The following MAPT variants were observed in gnomAD, a reference collection of about 807,000 sequenced individuals.
MAPT encodes microtubule associated protein tau.
Under a neutral mutation model 67.9 loss-of-function variants are expected in MAPT, and 34 were observed. That is an observed-to-expected ratio of 0.50 (90% CI 0.38 to 0.67). The LOEUF is 0.67. Ranked by LOEUF, MAPT falls within the 30% of genes least tolerant of loss-of-function variation. MAPT has a pLI of 0.00. For synonymous variants in MAPT, 456 were observed against 464.5 expected (o/e 0.98, Z 0.23); for missense variants, 881 against 1,115.2 (o/e 0.79, Z 2.99).
At chr17:46,012,440 C>T (rs117196968) in intron 10 of MAPT, among the ~76,000 whole-genome samples, 259 of 152,246 alleles carry the variant, frequency 1.7e-3, no homozygotes, top group Non-Finnish European at 2.7e-3. Context: ...CCAGATGTCC[C>T]GGGCTGAGCA....
intron 9 of MAPT, among the ~76,000 whole-genome samples, chr17:46,009,729 G>T (rs1015001838): frequency 5.9e-5 from 9 of 152,180 alleles, no homozygotes; most frequent in Admixed American, 1.3e-4. Flanking sequence ...GAATCACCAG[G>T]GGAACTTTTC....
chr17:45,917,557 A>G (rs1305467748), intron 1 of MAPT, among the ~76,000 whole-genome samples: 1 of 152,214 alleles, frequency 6.6e-6, no homozygotes, highest in African/African-American at 2.4e-5. Context: ...CCTGATGCCC[A>G]TGAGAGGACC....
chr17:46,019,869 G>C (rs62062289), intron 12 of MAPT, among the ~76,000 whole-genome samples: 21,713 of 151,768 alleles, frequency 0.14, 2,116 homozygotes, highest in Non-Finnish European at 0.22. Context: ...AAAGTTAGCT[G>C]GGTGTGGTGG....
rs768043413 is a variant in MAPT at position 45,906,487 on chromosome 17, G to A, written c.-18+11801G>A. 5.3e-5 allele frequency among the ~76,000 whole-genome samples: 8 copies of A among 152,118 alleles called. No individual in the cohort carries two copies. The highest frequency in any genetic ancestry group is 1.0e-4 in the Non-Finnish European group (7 of 68,022). ...CATCTGTTTGGTGTCAAAGGCACGGGGCAGGCGCGTTAATTGAACTGCTTG... is the reference window on the plus strand; with the variant it reads ...CATCTGTTTGGTGTCAAAGGCACGGAGCAGGCGCGTTAATTGAACTGCTTG... On this transcript the variant is annotated intron_variant, in intron 1 of 12. Coordinates refer to ENST00000262410, the MANE Select transcript of MAPT (RefSeq NM_001377265.1). This position sits in a 1 kb window ranked among gnomAD's most constrained non-coding sequence, Gnocchi z 4.3.
chr17:46,007,248 GC>G (rs1203198455), intron 9 of MAPT, among the ~76,000 whole-genome samples: 1 of 152,180 alleles, frequency 6.6e-6, no homozygotes, highest in Non-Finnish European at 1.5e-5. Flanking sequence ...GCTTTGTGAG[GC>G]TGAGGTGAGA....
At chr17:46,008,353 G>C (rs1001467743) in intron 9 of MAPT, among the ~76,000 whole-genome samples, 1 of 152,090 alleles carries the variant, frequency 6.6e-6, no homozygotes, top group African/African-American at 2.4e-5. Context: ...ACCTCCCAAA[G>C]TGCTAGGATT....
chr17:45,986,389 G>A (rs1230344639), intron 5 of MAPT, among the ~76,000 whole-genome samples: 1 of 152,180 alleles, frequency 6.6e-6, no homozygotes. Context: ...AATGGAGATG[G>A]GTTGGTCAGC....
chr17:46,021,496 A>G (rs78590209), intron 12 of MAPT, among the ~76,000 whole-genome samples: 21,734 of 152,054 alleles, frequency 0.14, 2,100 homozygotes, highest in Non-Finnish European at 0.22. Context: ...ATAGGGCCTG[A>G]GCATTGGTGA....
rs1298004732 is a variant in MAPT, at chr17:45,991,603, C to T, written c.1732+17C>T. On this transcript the variant is annotated intron_variant, in intron 8 of 12. Coordinates refer to ENST00000262410, the MANE Select transcript of MAPT (RefSeq NM_001377265.1). ...CCAGCTCTGGTAAGAAGAACGTTCT[C>T]TTGAATCTTAGAGGAAGCTGAAGCT... is the stretch of plus-strand genomic sequence containing the variant. The T allele has an allele frequency of 1.9e-6, 3 of 1,613,906 alleles. No homozygotes were observed. In the Admixed American group the frequency reaches 5.0e-5, roughly 27 times the overall value.
At chr17:46,002,729 C>T (rs932984443) in intron 9 of MAPT, among the ~76,000 whole-genome samples, 4 of 152,184 alleles carry the variant, frequency 2.6e-5, no homozygotes, top group Non-Finnish European at 5.9e-5. Context: ...AATGCTGTAA[C>T]TTTCTTGGTT....
At chr17:46,007,387 C>T (rs968603866) in intron 9 of MAPT, among the ~76,000 whole-genome samples, 5 of 151,384 alleles carry the variant, frequency 3.3e-5, no homozygotes, top group African/African-American at 4.9e-5. Flanking sequence ...CTTGGGAGAC[C>T]GAGGCAGGAG....
intron 1 of MAPT, among the ~76,000 whole-genome samples, chr17:45,927,607 T>C (rs896439273): frequency 1.3e-5 from 2 of 152,108 alleles, no homozygotes; most frequent in African/African-American, 4.8e-5. Context: ...TGCCAGCATG[T>C]AGAAAGTTTA....
intron 9 of MAPT, among the ~76,000 whole-genome samples, chr17:46,009,860 A>C (rs1034536802): frequency 6.6e-6 from 1 of 152,162 alleles, no homozygotes. Flanking sequence ...AGCCGCAGGG[A>C]GTTCTCTGGG....
At chr17:45,948,497 C>T (rs1398317491) in intron 1 of MAPT, among the ~76,000 whole-genome samples, 1 of 152,200 alleles carries the variant, frequency 6.6e-6, no homozygotes, top group Admixed American at 6.5e-5. Context: ...GGAGAAAGTT[C>T]TCCCAGGAAA....
Position 46,024,251 on chromosome 17 carries a change from C to T in MAPT, c.*80C>T, listed in dbSNP as rs1211515403. On this transcript the variant is annotated 3_prime_UTR_variant, in exon 13 of 13. Transcript: ENST00000262410. ...AAAAAAAAAGAATAATGACCCGGCCCCCGCCCTCTGCCCCCAGCTGCTCCT... is the reference window on the plus strand; with the variant it reads ...AAAAAAAAAGAATAATGACCCGGCCTCCGCCCTCTGCCCCCAGCTGCTCCT... 3.1e-6 allele frequency: 4 copies of T among 1,276,722 alleles called. No homozygotes were observed. The Admixed American group carries it at 5.6e-5, about 18-fold the overall frequency. The allele number at this position is 1,276,722 out of a possible 1,614,324, so 79.1% of individuals were successfully genotyped here.
chr17:45,904,006 A>T (rs1284141652), intron 1 of MAPT, among the ~76,000 whole-genome samples: 5 of 6,388 alleles, frequency 7.8e-4, no homozygotes, highest in Admixed American at 3.2e-3. Context: ...ATTATATATT[A>T]TATATATTAT....
intron 1 of MAPT, among the ~76,000 whole-genome samples, chr17:45,956,589 TATA>T (rs2069727913): frequency 4.2e-5 from 1 of 23,596 alleles, no homozygotes; most frequent in African/African-American, 1.3e-4. Flanking sequence ...TATATATATA[TATA>T]TATATATATT....
In MAPT at chr17:45,954,939, G is replaced by A. The variant is rs545752355; in HGVS notation, c.-17-7382G>A. 1.1e-4 allele frequency among the ~76,000 whole-genome samples: 17 copies of A among 152,264 alleles called. No homozygotes were observed. In the East Asian group the frequency reaches 1.2e-3, roughly 10 times the overall value. ...GTGGAGCTTGCAGTGAGCCGAGATC[G>A]TGCCACTTGCAGTCCAGCCTGGGCG... On this transcript the variant is annotated intron_variant, in intron 1 of 12. Transcript: ENST00000262410.
intron 1 of MAPT, among the ~76,000 whole-genome samples, chr17:45,922,601 T>G (rs2065859926): frequency 6.6e-6 from 1 of 151,910 alleles, no homozygotes; most frequent in South Asian, 2.1e-4. Flanking sequence ...ATATAAAAAT[T>G]TTTCTTAAAG....
Sources: allele counts gnomAD v4.1 joint callset (sites outside exome capture counted in the v4.1 genomes callset), GRCh38; gene constraint gnomAD v4.1.1; non-coding constraint Gnocchi (gnomAD v3.1); transcripts MANE v1.5; gene names NCBI Gene and HGNC (gene_info 2026-07-23, HGNC 2026-07-21).